OAS2: variants seen among roughly 807,000 people sequenced by gnomAD.
The protein encoded by OAS2 is 2'-5'-oligoadenylate synthetase 2.
A neutral mutation model predicts 71.3 loss-of-function variants in OAS2; 67 were observed. The ratio of observed to expected loss-of-function variants is 0.94; its 90% CI spans 0.77 to 1.15. The LOEUF (loss-of-function observed/expected upper bound fraction) is 1.15, where lower values mean the gene tolerates loss of function less well. Among genes scored for constraint, OAS2 ranks in the 50% most tolerant of loss-of-function variants. The probability of loss-of-function intolerance (pLI) is 0.00; values close to 1 mark genes in which losing one functional copy is unlikely to be tolerated. For synonymous variants in OAS2, 327 were observed against 321.8 expected, an observed-to-expected ratio of 1.02 and a Z score of -0.17; for missense variants, 789 against 822.5, an observed-to-expected ratio of 0.96 and a Z score of 0.50.
chr12:112,992,456 G>C (rs1593199169), intron 2 of OAS2, among the ~76,000 whole-genome samples: 1 of 151,186 alleles, frequency 6.6e-6, no homozygotes, highest in African/African-American at 2.4e-5. Context: ...GGAGGGGAAG[G>C]GAAAATTCCC....
chr12:112,979,040 G>A (rs1218339087), intron 1 of OAS2, among the ~76,000 whole-genome samples: 3 of 152,142 alleles, frequency 2.0e-5, no homozygotes, highest in Admixed American at 6.5e-5. Context: ...TCAGAGTATC[G>A]TAAGGCTTGA....
intron 1 of OAS2, among the ~76,000 whole-genome samples, chr12:112,981,754 T>A (rs928877103): frequency 2.6e-5 from 4 of 152,130 alleles, no homozygotes; most frequent in East Asian, 1.9e-4. Flanking sequence ...TGAAAAAAAA[T>A]GTCACTGGTA....
At chr12:113,007,316 G>A (rs1482230626) in intron 8 of OAS2, among the ~76,000 whole-genome samples, 1 of 152,192 alleles carries the variant, frequency 6.6e-6, no homozygotes, top group Non-Finnish European at 1.5e-5. Context: ...AAGACTTGGG[G>A]CTGTGGCGTG....
At chr12:113,008,958 A>T (rs1218559144) in intron 9 of OAS2, 129 bp from the exon 10 acceptor site, 1 of 1,466,134 alleles carries the variant, frequency 6.8e-7, no homozygotes. Context: ...CCTACTAGTA[A>T]ATTTGAGTTG....
rs1172303385 is a variant in OAS2, at chr12:113,007,753, T to G, written c.1705T>G (p.Leu569Val). ...PKGSLPPKYA[L>V]ELLTIYAWEQ... ...GGGGTCTTTGCCCCCAAAGTATGCC[T>G]TGGAGCTGCTCACCATCTATGCCTG... Residue 569 changes from leucine to valine, a missense_variant, in exon 9 of 10, where the codon TTG becomes GTG. Physicochemically the swap from Leu to Val is conservative, Grantham distance 32. Transcript: ENST00000392583. The G allele has an allele frequency of 1.2e-5, 20 of 1,614,120 alleles. No homozygotes were observed. Among genetic ancestry groups the G allele is most frequent in the Non-Finnish European group, 1.6e-5 (19 of 1,179,986 alleles).
chr12:112,997,499 T>C (rs915429532), intron 3 of OAS2, 21 bp from the exon 4 acceptor site: 1 of 1,601,654 alleles, frequency 6.2e-7, no homozygotes, highest in Non-Finnish European at 8.5e-7. Flanking sequence ...AATGAGCTGC[T>C]ACCCTTTCCT....
At position 112,997,651 on chromosome 12, in the gene OAS2, G is replaced by A. The variant is rs774649812; in HGVS notation, c.759G>A (p.Glu253=). Residue 253 remains glutamate (E), a synonymous_variant, in exon 4 of 10, where the codon GAG becomes GAA. Transcript: ENST00000392583. ...CTGAAGGCGTCAGAACCGTACTGGA[G>A]CTGATCAAATGCCAGGAGAAGCTGT... ...DIAEGVRTVL[E]LIKCQEKLCI... The A allele has an allele frequency of 1.1e-5, 18 of 1,614,048 alleles. No individual in the cohort carries two copies. Among genetic ancestry groups the A allele is most frequent in the Non-Finnish European group, 1.4e-5 (17 of 1,180,022 alleles).
chr12:112,979,359 G>A (rs1164927828), intron 1 of OAS2, among the ~76,000 whole-genome samples: 2 of 152,146 alleles, frequency 1.3e-5, no homozygotes, highest in African/African-American at 2.4e-5. Context: ...GGGTCCTGAT[G>A]GCCCAATACT....
Position 113,007,825 on chromosome 12 carries a change from C to T in OAS2, c.1777C>T (p.Arg593Trp), listed in dbSNP as rs1039747066. 1.1e-5 allele frequency: 18 copies of T among 1,614,046 alleles called. No individual in the cohort carries two copies. Among genetic ancestry groups the T allele is most frequent in the Admixed American group, 5.0e-5 (3 of 60,008 alleles). The change falls in exon 9 of 10, where the codon CGG becomes TGG. Residue 593 changes from arginine to tryptophan, a missense_variant. By Grantham distance (101) the Arg-to-Trp change is moderately radical (BLOSUM62 -3). Coordinates refer to ENST00000392583, the MANE Select transcript of OAS2 (RefSeq NM_002535.3). ...VPDFDTAEGF[R>W]TVLELVTQYQ... ...GGATTTTGACACTGCAGAAGGTTTC[C>T]GGACAGTCCTGGAGCTGGTCACACA...
intron 2 of OAS2, among the ~76,000 whole-genome samples, chr12:112,988,973 A>C (rs1026458216): frequency 6.6e-6 from 1 of 152,212 alleles, no homozygotes; most frequent in East Asian, 1.9e-4. Flanking sequence ...GGATGTACCC[A>C]TGACACAGCC....
chr12:112,984,333 C>T (rs1405093718), intron 1 of OAS2, among the ~76,000 whole-genome samples: 1 of 152,104 alleles, frequency 6.6e-6, no homozygotes, highest in African/African-American at 2.4e-5. Flanking sequence ...CCTTCTTTGT[C>T]TCTTTTTATG....
At chr12:112,988,500 T>C (rs1363708118) in intron 2 of OAS2, 1 of 599,534 alleles carries the variant, frequency 1.7e-6, no homozygotes, top group Non-Finnish European at 2.1e-6. Context: ...AACTCAGTGA[T>C]TGGCACAAGA....
At chr12:112,993,891 G>T (rs1333070457) in intron 2 of OAS2, among the ~76,000 whole-genome samples, 1 of 151,820 alleles carries the variant, frequency 6.6e-6, no homozygotes, top group African/African-American at 2.4e-5. Context: ...GAATAATGAT[G>T]AAACAAACTC....
chr12:113,001,254 G>A (rs1402602183), intron 5 of OAS2, among the ~76,000 whole-genome samples: 1 of 151,940 alleles, frequency 6.6e-6, no homozygotes, highest in Admixed American at 6.6e-5. Context: ...TTGAGCAAGG[G>A]AGATCAAGGT....
At chr12:113,003,557 A>G (rs557825967) in intron 6 of OAS2, among the ~76,000 whole-genome samples, 1 of 152,244 alleles carries the variant, frequency 6.6e-6, no homozygotes, top group South Asian at 2.1e-4. Context: ...AGGCCCCCAG[A>G]GCATGTATTT....
Position 112,987,313 on chromosome 12 carries a change from G to C in OAS2, c.448+5G>C, listed in dbSNP as rs373756699. ...TGGCCGCCTTCAACGCTCTGAGTAA[G>C]CATTGCTGGGTGTCAGGAGAGAAAA... On this transcript the variant is annotated splice_donor_5th_base_variant and intron_variant, in intron 2 of 9. Transcript: ENST00000392583. The C allele has an allele frequency of 6.2e-7, 1 of 1,614,014 alleles. No individual in the cohort carries two copies. The highest frequency in any genetic ancestry group is 1.3e-5 in the African/African-American group (1 of 74,930).
In OAS2 at chr12:113,007,888, A is replaced by G. The variant is rs1370017847; in HGVS notation, c.1840A>G (p.Asn614Asp). 5.6e-6 allele frequency: 9 copies of G among 1,614,022 alleles called. No homozygotes were observed. Among genetic ancestry groups the G allele is most frequent in the Non-Finnish European group, 7.6e-6 (9 of 1,180,008 alleles). ...QLCIFWKVNY[N>D]FEDETVRKFL... ...CTGCATCTTCTGGAAGGTCAATTAC[A>G]ACTTTGAAGATGAGACCGTGAGGAA... The change falls in exon 9 of 10, where the codon AAC (asparagine) becomes GAC (aspartate). Residue 614 changes from asparagine (N) to aspartate (D), a missense_variant. Transcript: ENST00000392583.
chr12:112,995,766 T>C (rs1282078799), intron 3 of OAS2, among the ~76,000 whole-genome samples: 1 of 152,170 alleles, frequency 6.6e-6, no homozygotes, highest in African/African-American at 2.4e-5. Context: ...ATATGGTACA[T>C]ACTTCATGTC....
intron 1 of OAS2, among the ~76,000 whole-genome samples, chr12:112,983,588 T>C (rs904651805): frequency 1.3e-5 from 2 of 152,224 alleles, no homozygotes; most frequent in African/African-American, 2.4e-5. Context: ...TGTTCTACTT[T>C]TTTTGATGTA....
Sources: gnomAD v4.1 joint callset for allele counts (sites outside exome capture counted in the v4.1 genomes callset) on GRCh38, gnomAD v4.1.1 for gene constraint, MANE v1.5 for transcripts, NCBI Gene and HGNC (gene_info 2026-07-23, HGNC 2026-07-21) for gene names.